Variants in SCFD2 observed in about 807,000 individuals in gnomAD.
SCFD2 encodes the protein sec1 family domain-containing protein 2.
A neutral mutation model predicts 58.9 loss-of-function variants in SCFD2; 54 were observed. The observed-to-expected ratio is 0.92, with a 90% CI of 0.74 to 1.15. The LOEUF is 1.15. SCFD2 is among the 50% of genes most tolerant of loss of function. The pLI is 0.00. For synonymous variants in SCFD2, 321 were observed against 335.9 expected (o/e 0.96, Z 0.49); for missense variants, 805 against 836.6 (o/e 0.96, Z 0.47).
chr4:53,018,064 T>C (rs1560511366), intron 5 of SCFD2, among the ~76,000 whole-genome samples: 1 of 152,232 alleles, frequency 6.6e-6, no homozygotes, highest in Non-Finnish European at 1.5e-5. Flanking sequence ...TGACATACTA[T>C]GCGTTTGTTT....
chr4:53,229,647 A>T (rs1251056476), intron 4 of SCFD2, among the ~76,000 whole-genome samples: 1 of 152,264 alleles, frequency 6.6e-6, no homozygotes, highest in Non-Finnish European at 1.5e-5. Context: ...CTTACATGTT[A>T]GACCTAAAAC....
intron 7 of SCFD2, among the ~76,000 whole-genome samples, chr4:52,900,524 G>A (rs150949001): frequency 0.048 from 7,332 of 152,200 alleles, 213 homozygotes; most frequent in South Asian, 0.13. Context: ...AGGAGTACCC[G>A]GCCGTGTGAG....
chr4:52,914,363 C>T (rs1160194843), intron 6 of SCFD2, among the ~76,000 whole-genome samples: 1 of 152,170 alleles, frequency 6.6e-6, no homozygotes, highest in Non-Finnish European at 1.5e-5. Flanking sequence ...GGAATTAGCT[C>T]CTACAGGATA....
chr4:52,912,992 T>C (rs564330179), intron 6 of SCFD2, among the ~76,000 whole-genome samples: 2 of 152,302 alleles, frequency 1.3e-5, no homozygotes, highest in Non-Finnish European at 2.9e-5. Flanking sequence ...ACCATAGTAA[T>C]TTAGTTTTCC....
intron 8 of SCFD2, among the ~76,000 whole-genome samples, chr4:52,878,104 T>C (rs925195956): frequency 1.3e-5 from 2 of 152,066 alleles, no homozygotes; most frequent in African/African-American, 4.8e-5. Context: ...AGACCACCCC[T>C]CCCGCAAGCC....
intron 2 of SCFD2, among the ~76,000 whole-genome samples, chr4:53,333,268 C>G (rs1481657644): frequency 6.7e-6 from 1 of 149,438 alleles, no homozygotes; most frequent in East Asian, 1.9e-4. Flanking sequence ...CATATGGAAC[C>G]AAAAAAGAGC....
In SCFD2 at chr4:53,131,741, T is replaced by C. The variant is rs116172266; in HGVS notation, c.1561+13592A>G. On this transcript the variant is annotated intron_variant, in intron 5 of 8. Transcript: ENST00000401642. ...TGAAAATTCGGCCTCCTCCCCGCTG[T>C]GCTCTTTTCCACCACATCACATGAT... 1.8e-3 allele frequency among the ~76,000 whole-genome samples: 279 copies of C among 152,368 alleles called. 2 individuals are homozygous for C. The highest frequency in any genetic ancestry group is 6.7e-3 in the African/African-American group (277 of 41,598).
At chr4:53,256,703 T>C (rs1385716273) in intron 4 of SCFD2, among the ~76,000 whole-genome samples, 4 of 151,480 alleles carry the variant, frequency 2.6e-5, no homozygotes, top group African/African-American at 7.3e-5. Flanking sequence ...AGCAAAACCC[T>C]GTCTCCACCA....
chr4:53,195,388 A>G (rs1728030945), intron 4 of SCFD2, among the ~76,000 whole-genome samples: 1 of 152,108 alleles, frequency 6.6e-6, no homozygotes, highest in Non-Finnish European at 1.5e-5. Flanking sequence ...CAAATAAATG[A>G]CTTTCCTTTT....
At chr4:53,297,107 A>G (rs1560433746) in intron 3 of SCFD2, among the ~76,000 whole-genome samples, 1 of 152,184 alleles carries the variant, frequency 6.6e-6, no homozygotes, top group African/African-American at 2.4e-5. Flanking sequence ...AGAAGAATGT[A>G]TATTCTGTTA....
intron 3 of SCFD2, among the ~76,000 whole-genome samples, chr4:53,284,307 GTTTA>G (rs1302449177): frequency 2.0e-5 from 3 of 151,364 alleles, no homozygotes; most frequent in Non-Finnish European, 4.4e-5. Context: ...CTTATTGATT[GTTTA>G]TTTATCTACT....
At chr4:52,966,203 T>A (rs1166853355) in intron 5 of SCFD2, among the ~76,000 whole-genome samples, 1 of 152,204 alleles carries the variant, frequency 6.6e-6, no homozygotes, top group African/African-American at 2.4e-5. Flanking sequence ...GATTTTGTTG[T>A]GCTTTAAGGA....
At chr4:53,223,629 C>A (rs767612574) in intron 4 of SCFD2, among the ~76,000 whole-genome samples, 1 of 152,212 alleles carries the variant, frequency 6.6e-6, no homozygotes, top group Non-Finnish European at 1.5e-5. Flanking sequence ...TCTCACGGAA[C>A]ATTTTCTCAT....
chr4:52,902,445 T>C (rs1276834381), intron 7 of SCFD2, among the ~76,000 whole-genome samples: 2 of 152,222 alleles, frequency 1.3e-5, no homozygotes, highest in Non-Finnish European at 1.5e-5. Flanking sequence ...TATGAAATGT[T>C]TGTGACTTCT....
At chr4:53,250,344 T>C (rs574938566) in intron 4 of SCFD2, among the ~76,000 whole-genome samples, 1 of 152,092 alleles carries the variant, frequency 6.6e-6, no homozygotes, top group Non-Finnish European at 1.5e-5. Flanking sequence ...TCCCACACAA[T>C]AATAATGGGA....
chr4:53,141,729 C>G (rs1726172363), intron 5 of SCFD2, among the ~76,000 whole-genome samples: 1 of 151,650 alleles, frequency 6.6e-6, no homozygotes, highest in African/African-American at 2.4e-5. Context: ...ATGTTGGTAA[C>G]ATGGCTCAGG....
intron 5 of SCFD2, among the ~76,000 whole-genome samples, chr4:53,144,407 A>G (rs1726260352): frequency 6.7e-6 from 1 of 149,722 alleles, no homozygotes; most frequent in Non-Finnish European, 1.5e-5. Context: ...ATATACATGT[A>G]TATATATGGA....
At chr4:53,234,829 T>C (rs1249655984) in intron 4 of SCFD2, among the ~76,000 whole-genome samples, 1 of 152,302 alleles carries the variant, frequency 6.6e-6, no homozygotes, top group South Asian at 2.1e-4. Flanking sequence ...ACCATATTAA[T>C]TGGAATGTAG....
chr4:52,954,959 G>A (rs1720677095), intron 5 of SCFD2, among the ~76,000 whole-genome samples: 1 of 152,112 alleles, frequency 6.6e-6, no homozygotes, highest in Non-Finnish European at 1.5e-5. Flanking sequence ...ATCCACAAAA[G>A]AGAACCTCCA....
Sources: allele counts gnomAD v4.1 joint callset (sites outside exome capture counted in the v4.1 genomes callset), GRCh38; gene constraint gnomAD v4.1.1; transcripts MANE v1.5; gene names NCBI Gene and HGNC (gene_info 2026-07-23, HGNC 2026-07-21).